Variants in STAT5A observed in about 807,000 individuals in gnomAD.
The protein encoded by STAT5A is signal transducer and activator of transcription 5A.
STAT5A carries 26 observed loss-of-function variants against 100.2 expected under a neutral mutation model. That is an observed-to-expected ratio of 0.26 (90% CI 0.19 to 0.36). The LOEUF (loss-of-function observed/expected upper bound fraction) is 0.36. Among genes scored for constraint, STAT5A ranks in the 10% least tolerant of loss-of-function variants. The pLI is 1.00. For missense variants in STAT5A, 634 were observed against 1,027.5 expected, an observed-to-expected ratio of 0.62 and a Z score of 5.24; for synonymous variants, 330 against 424.3, an observed-to-expected ratio of 0.78 and a Z score of 2.73.
intron 18 of STAT5A, 188 bp downstream of exon 18, chr17:42,309,672 AC>A: frequency 1.9e-6 from 1 of 539,990 alleles, no homozygotes; most frequent in South Asian, 3.0e-5. Flanking sequence ...TCACTCTAGT[AC>A]TAACTGTGTG....
chr17:42,304,092 A>G lies in STAT5A; in HGVS notation c.1170-250A>G, dbSNP rs572304032. The G allele has an allele frequency of 1.9e-6, 1 of 522,662 alleles. No homozygotes were observed. Among genetic ancestry groups the G allele is most frequent in the African/African-American group, 1.9e-5 (1 of 52,968 alleles). The allele number at this position is 522,662 out of a possible 1,614,324, so 32.4% of individuals were successfully genotyped here. A position where few individuals can be genotyped will look rare whatever the true frequency, so the allele number is the denominator to read the frequency against. On this transcript the variant is annotated intron_variant, in intron 9 of 18. Coordinates refer to ENST00000590949, the MANE Select transcript of STAT5A (RefSeq NM_001288718.2). The surrounding 1 kb of genome is among the most constrained non-coding windows in gnomAD (Gnocchi z 4.8). ...TGGAAGTCCCCAAAGCCCTCACATC[A>G]ATCTTGGTATCGAGGAATTTCTAAT...
Position 42,304,793 on chromosome 17 carries a change from G to GTTAGTCCCAGATTATA in STAT5A, c.1380+141_1380+142insTTAGTCCCAGATTATA. The GTTAGTCCCAGATTATA allele has an allele frequency of 7.6e-7, 1 of 1,321,738 alleles. No homozygotes were observed. The highest frequency in any genetic ancestry group is 1.0e-6 in the Non-Finnish European group (1 of 961,514). 81.9% of individuals were successfully genotyped at this position (1,321,738 alleles called of 1,614,324 possible). A position where few individuals can be genotyped will look rare whatever the true frequency, so the allele number is the denominator to read the frequency against. On this transcript the variant is annotated intron_variant, in intron 11 of 18. Transcript: ENST00000590949. The surrounding 1 kb of genome is among the most constrained non-coding windows in gnomAD (Gnocchi z 4.8). ...CCCTGTTTGATAGGTTATAATCTGG[G>GTTAGTCCCAGATTATA]ACTAACCCAGACAATTTAGGCAATG... is the stretch of plus-strand genomic sequence containing the variant.
chr17:42,295,864 T>C, intron 5 of STAT5A, 71 bp downstream of exon 5: 1 of 1,569,826 alleles, frequency 6.4e-7, no homozygotes, highest in Non-Finnish European at 8.6e-7. Context: ...TCCTAGAGGG[T>C]AGAGCTGGGT....
intron 7 of STAT5A, 96 bp from the exon 8 acceptor site, chr17:42,300,619 C>T: frequency 3.1e-6 from 5 of 1,596,646 alleles, no homozygotes; most frequent in Non-Finnish European, 4.3e-6. Context: ...GGCGAAAGCA[C>T]AGAGCCTTCC....
chr17:42,291,183 A>G (rs2080865087), intron 3 of STAT5A, among the ~76,000 whole-genome samples: 1 of 152,324 alleles, frequency 6.6e-6, no homozygotes, highest in African/African-American at 2.4e-5. Flanking sequence ...GCAGTTCACA[A>G]TAGGGTTAGC....
chr17:42,302,080 C>T (rs72823008), intron 9 of STAT5A, among the ~76,000 whole-genome samples: 12,928 of 152,252 alleles, frequency 0.085, 613 homozygotes, highest in Non-Finnish European at 0.097. Flanking sequence ...GTGGTAGGAT[C>T]ATTTGAGCCT....
chr17:42,307,791 C>T (rs2081044034), intron 15 of STAT5A, 68 bp downstream of exon 15: 1 of 1,579,788 alleles, frequency 6.3e-7, no homozygotes, highest in Admixed American at 1.7e-5. Context: ...CCCGCCACCC[C>T]ACCCTCCATC....
At chr17:42,298,112 T>A (rs972490974) in intron 5 of STAT5A, among the ~76,000 whole-genome samples, 1 of 151,722 alleles carries the variant, frequency 6.6e-6, no homozygotes, top group Non-Finnish European at 1.5e-5. Flanking sequence ...GGGTTATTGA[T>A]ACACAGGCGC....
Position 42,299,688 on chromosome 17 carries a change from T to A in STAT5A, c.551-63T>A, listed in dbSNP as rs2080956298. 12 of 1,612,380 alleles carry A rather than the reference T, an allele frequency of 7.4e-6. No homozygotes were observed. In the Admixed American group the frequency reaches 1.8e-4, roughly 25 times the overall value. ...CTCGCTCCAGAACAGGTGAGTGGGC[T>A]TCTCTAGGCCTCCTGTTGGACACTA... On this transcript the variant is annotated intron_variant, in intron 5 of 18. Coordinates refer to ENST00000590949, the MANE Select transcript of STAT5A (RefSeq NM_001288718.2).
rs1276136467 is a variant in STAT5A at position 42,307,643 on chromosome 17, A to G, written c.1826A>G (p.Asn609Ser). ...CAACAGGCCCACGACCTGCTCATCA[A>G]CAAGCCCGACGGGACCTTCTTGTTG... ...NKQQAHDLLINKPDGTFLLRF... is the reference protein window; with the variant it reads ...NKQQAHDLLISKPDGTFLLRF... Residue 609 changes from asparagine to serine, a missense_variant, in exon 15 of 19, where the codon AAC becomes AGC. Coordinates refer to ENST00000590949, the MANE Select transcript of STAT5A (RefSeq NM_001288718.2). The G allele has an allele frequency of 1.2e-6, 2 of 1,614,094 alleles. No homozygotes were observed. Among genetic ancestry groups the G allele is most frequent in the East Asian group, 2.2e-5 (1 of 44,872 alleles).
At chr17:42,296,783 G>C (rs996536147) in intron 5 of STAT5A, among the ~76,000 whole-genome samples, 1 of 151,890 alleles carries the variant, frequency 6.6e-6, no homozygotes, top group Non-Finnish European at 1.5e-5. Context: ...GACTACAGGT[G>C]CAGGCCACCA....
chr17:42,307,255 G>C (rs1318908147), intron 13 of STAT5A, 147 bp from the exon 14 acceptor site: 5 of 759,022 alleles, frequency 6.6e-6, no homozygotes, highest in Non-Finnish European at 8.8e-6. Flanking sequence ...GTTGGGGGCT[G>C]TGTCACTTTA....
Position 42,306,295 on chromosome 17 carries a change from G to A in STAT5A, c.1528G>A (p.Ala510Thr), listed in dbSNP as rs540666908. 8 of 1,614,030 alleles carry A rather than the reference G, an allele frequency of 5.0e-6. No individual in the cohort carries two copies. The African/African-American group carries it at 1.1e-4, about 22-fold the overall frequency. The change falls in exon 13 of 19, where the codon GCG becomes ACG. Residue 510 changes from alanine (A) to threonine (T), a missense_variant. Ala to Thr is a moderately conservative substitution (Grantham distance 58). Transcript: ENST00000590949. ...DKVLWPQLCE[A>T]LNMKFKAEVQ... Reference sequence around the variant, plus strand: ...AGTGCTGTGGCCGCAGCTGTGTGAGGCGCTCAACATGAAATTCAAGGCCGA... The same window carrying A: ...AGTGCTGTGGCCGCAGCTGTGTGAGACGCTCAACATGAAATTCAAGGCCGA...
chr17:42,292,119 C>T, intron 4 of STAT5A, 58 bp downstream of exon 4: 1 of 1,583,720 alleles, frequency 6.3e-7, no homozygotes, highest in African/African-American at 1.3e-5. Context: ...ATGCCTTTCT[C>T]TCCAGAAACA....
Position 42,291,979 on chromosome 17 carries a change from A to G in STAT5A, c.293A>G (p.Tyr98Cys). Residue 98 changes from tyrosine to cysteine, a missense_variant, in exon 4 of 19, where the codon TAT becomes TGT. Tyr to Cys is a radical substitution (Grantham distance 194). Around this residue, in one of 5 missense-constraint regions of STAT5A, gnomAD observed 207 missense variants for 256.6 expected, o/e 0.81. Coordinates refer to ENST00000590949, the MANE Select transcript of STAT5A (RefSeq NM_001288718.2). ...ACTGTTGGATTCTTTCAGAAAACATATGACCGCTGCCCCCTGGAGCTGGTC... is the reference window on the plus strand; with the variant it reads ...ACTGTTGGATTCTTTCAGAAAACATGTGACCGCTGCCCCCTGGAGCTGGTC... ...GHYATQLQKT[Y>C]DRCPLELVRC... The G allele has an allele frequency of 6.2e-7, 1 of 1,613,840 alleles. No individual in the cohort carries two copies. The highest frequency in any genetic ancestry group is 8.5e-7 in the Non-Finnish European group (1 of 1,179,842).
rs1427258563 is a variant in STAT5A, at chr17:42,311,578, CAAA to C, written c.*912_*914del. On this transcript the variant is annotated 3_prime_UTR_variant, in exon 19 of 19. Transcript: ENST00000590949. Reference sequence around the variant, plus strand: ...TGGTCCTCTTGCCTCCTGGAAAAAACAAAAACAAAAAACTGCAGTGAAAGACAA... The same window carrying C: ...TGGTCCTCTTGCCTCCTGGAAAAAACAACAAAAAACTGCAGTGAAAGACAA... 6.5e-6 allele frequency: 1 copy of C among 153,020 alleles called. No individual in the cohort carries two copies. Among genetic ancestry groups the C allele is most frequent in the Non-Finnish European group, 1.5e-5 (1 of 68,622 alleles). 9.5% of individuals were successfully genotyped at this position (153,020 alleles called of 1,614,324 possible). A position where few individuals can be genotyped will look rare whatever the true frequency, so the allele number is the denominator to read the frequency against.
chr17:42,301,186 A>G, intron 8 of STAT5A, 89 bp from the exon 9 acceptor site: 1 of 1,551,578 alleles, frequency 6.4e-7, no homozygotes, highest in Non-Finnish European at 8.7e-7. Context: ...GCCCCATGGG[A>G]GGCAGCCCCA....
Position 42,300,761 on chromosome 17 carries a change from C to T in STAT5A, c.880C>T (p.Arg294Cys), listed in dbSNP as rs758760565. The change falls in exon 8 of 19, where the codon CGC becomes TGC. Residue 294 changes from arginine to cysteine, a missense_variant. By Grantham distance (180) the Arg-to-Cys change is radical. Around this residue, in one of 5 missense-constraint regions of STAT5A, gnomAD observed 98 missense variants for 149.7 expected, o/e 0.65. Coordinates refer to ENST00000590949, the MANE Select transcript of STAT5A (RefSeq NM_001288718.2). ...CATCTGGCAGAACCGGCAGCAGATC[C>T]GCAGGGCTGAGCACCTCTGCCAGCA... Reference protein sequence around the residue: ...EIIWQNRQQIRRAEHLCQQLP... With the variant: ...EIIWQNRQQICRAEHLCQQLP... The T allele has an allele frequency of 5.6e-6, 9 of 1,613,326 alleles. No homozygotes were observed. Among genetic ancestry groups the T allele is most frequent in the Admixed American group, 1.7e-5 (1 of 60,002 alleles).
chr17:42,310,286 G>T (rs1284164820), intron 18 of STAT5A, among the ~76,000 whole-genome samples: 1 of 152,270 alleles, frequency 6.6e-6, no homozygotes, highest in Non-Finnish European at 1.5e-5. Context: ...AATTCCCTAA[G>T]ATTATTCAGT....
Sources: allele counts gnomAD v4.1 joint callset (sites outside exome capture counted in the v4.1 genomes callset), GRCh38; gene constraint gnomAD v4.1.1; regional missense constraint gnomAD v4.1.1; non-coding constraint Gnocchi (gnomAD v3.1); transcripts MANE v1.5; gene names NCBI Gene and HGNC (gene_info 2026-07-23, HGNC 2026-07-21).